The following L1CAM variants were observed in gnomAD, a reference collection of about 807,000 sequenced individuals.
L1CAM encodes L1 cell adhesion molecule.
In L1CAM, 8 loss-of-function variants were observed where a neutral mutation model predicts 93.0. The ratio of observed to expected loss-of-function variants is 0.09; its 90% CI spans 0.05 to 0.16. The LOEUF is 0.16. Ranked by LOEUF, L1CAM falls within the 10% of genes least tolerant of loss-of-function variation. The pLI is 1.00. For synonymous variants in L1CAM, 453 were observed against 453.0 expected, an observed-to-expected ratio of 1.00 and a Z score of 0.00; for missense variants, 777 against 1,073.4, an observed-to-expected ratio of 0.72 and a Z score of 3.86.
intron 11 of L1CAM, 24 bp from the exon 12 acceptor site, chrX:153,868,976 G>T (rs781868997): frequency 8.8e-7 from 1 of 1,132,902 alleles, no homozygotes; most frequent in Non-Finnish European, 1.2e-6. Flanking sequence ...AGCCTCAGGA[G>T]ACAGGGCAGG....
intron 1 of L1CAM, among the ~76,000 whole-genome samples, chrX:153,879,404 C>T (rs979311612): frequency 8.4e-5 from 7 of 82,983 alleles, no homozygotes; most frequent in African/African-American, 3.0e-4. Context: ...GCAGAAAGAG[C>T]GAGAAGAGTG....
rs782367807 is a variant in L1CAM at position 153,867,982 on chromosome X, C to G, written c.1828+16G>C. On this transcript the variant is annotated intron_variant, in intron 15 of 28. Transcript: ENST00000370060. ...CCCCGGCCTTCTGGAGTGGAGGCTT[C>G]CACCCTAGGACTTACCCACCACCAA... is the stretch of plus-strand genomic sequence containing the variant. The G allele has an allele frequency of 1.7e-5, 20 of 1,210,793 alleles. No homozygotes were observed. The highest frequency in any genetic ancestry group is 2.2e-5 in the Non-Finnish European group (20 of 895,208).
chrX:153,877,329 G>A (rs1311235500), intron 1 of L1CAM, among the ~76,000 whole-genome samples: 1 of 105,848 alleles, frequency 9.4e-6, no homozygotes, highest in Non-Finnish European at 1.9e-5. Context: ...AGGCGTGGTG[G>A]CTCATGCCTG....
intron 1 of L1CAM, among the ~76,000 whole-genome samples, chrX:153,882,576 T>C (rs1016633003): frequency 3.2e-4 from 34 of 107,738 alleles, no homozygotes; most frequent in African/African-American, 1.2e-3. Flanking sequence ...TACATGCAGA[T>C]AGGAAGTCTG....
chrX:153,862,464 C>T lies in L1CAM; in HGVS notation c.*199G>A. ...GGCCCCTGGCATGTGGGAGATCTGC[C>T]CAAGCTGGGGCAGAGCAGCGTGTGC... On this transcript the variant is annotated 3_prime_UTR_variant, in exon 29 of 29. Transcript: ENST00000370060. The T allele has an allele frequency of 2.5e-6, 1 of 401,343 alleles. No individual in the cohort carries two copies. Among genetic ancestry groups the T allele is most frequent in the Non-Finnish European group, 4.3e-6 (1 of 231,450 alleles). 33.1% of individuals were successfully genotyped at this position (401,343 alleles called of 1,213,427 possible). A position where few individuals can be genotyped will look rare whatever the true frequency, so the allele number is the denominator to read the frequency against.
At chrX:153,884,404 C>A in intron 1 of L1CAM, 1 of 324,280 alleles carries the variant, frequency 3.1e-6, no homozygotes, top group Non-Finnish European at 5.1e-6. Context: ...CGCGGTGTAG[C>A]AAACCAGGGA....
At position 153,867,453 on chromosome X, in the gene L1CAM, C is replaced by T. The variant is rs782486088; in HGVS notation, c.2040G>A (p.Ser680=). 7.4e-6 allele frequency: 9 copies of T among 1,208,903 alleles called. No individual in the cohort carries two copies. Among genetic ancestry groups the T allele is most frequent in the African/African-American group, 1.7e-5 (1 of 57,792 alleles). Residue 680 remains serine, a synonymous_variant, in exon 17 of 29, where the codon TCG becomes TCA. Coordinates refer to ENST00000370060, the MANE Select transcript of L1CAM (RefSeq NM_001278116.2). ...GNQTSTTLKL[S]PYVHYTFRVT... ...CCCTAAAGGTGTAGTGGACATAGGG[C>T]GACAGCTTGAGGGTGGTAGAGGTCT... is the stretch of plus-strand genomic sequence containing the variant.
intron 1 of L1CAM, among the ~76,000 whole-genome samples, chrX:153,881,130 G>A (rs2064842841): frequency 1.8e-5 from 2 of 112,273 alleles, no homozygotes; most frequent in South Asian, 7.4e-4. Context: ...GACTTACCAC[G>A]TACCAGAAAG....
chrX:153,884,197 G>T, intron 1 of L1CAM: 1 of 993,623 alleles, frequency 1.0e-6, no homozygotes, highest in Non-Finnish European at 1.3e-6. Flanking sequence ...GCAGCCCAGA[G>T]CCCGGCCCAA....
rs782476478 is a variant in L1CAM, at chrX:153,872,697, A to G, written c.92T>C (p.Val31Ala). 42 of 1,194,370 alleles carry G rather than the reference A, an allele frequency of 3.5e-5. No individual in the cohort carries two copies. The East Asian group carries it at 1.2e-3, about 34-fold the overall frequency. ...TTCCGTGATGACAGGTGGCTCCATC[A>G]CTGAAGACAGGGTGGAGAGAGCGGT... ...QIPEEYEGHHVMEPPVITEQS... is the reference protein window; with the variant it reads ...QIPEEYEGHHAMEPPVITEQS... The change falls in exon 4 of 29, where the codon GTG (valine) becomes GCG (alanine). Residue 31 changes from valine to alanine, a missense_variant and splice_region_variant. Around this residue, in one of 5 missense-constraint regions of L1CAM, gnomAD observed 574 missense variants for 781.0 expected, o/e 0.73. Transcript: ENST00000370060.
chrX:153,876,045 C>T, intron 1 of L1CAM, 101 bp from the exon 2 acceptor site: 1 of 462,991 alleles, frequency 2.2e-6, no homozygotes, highest in South Asian at 3.0e-5. Flanking sequence ...CTCTTGGCCC[C>T]GCCCTCAGCC....
rs372358468 is a variant in L1CAM at position 153,868,744 on chromosome X, G to A, written c.1380-17C>T. On this transcript the variant is annotated splice_polypyrimidine_tract_variant and intron_variant, in intron 12 of 28. Transcript: ENST00000370060. ...TCGTCCAGCCTGGAGGGAGCAGGGCGGGCCTGGCTCTGACTGGCTGGCCTG... is the reference window on the plus strand; with the variant it reads ...TCGTCCAGCCTGGAGGGAGCAGGGCAGGCCTGGCTCTGACTGGCTGGCCTG... The A allele has an allele frequency of 2.6e-5, 32 of 1,209,691 alleles. No homozygotes were observed. The highest frequency in any genetic ancestry group is 1.5e-4 in the Admixed American group (7 of 45,893).
At chrX:153,863,725 C>T in intron 26 of L1CAM, 158 bp downstream of exon 26, 3 of 908,673 alleles carry the variant, frequency 3.3e-6, no homozygotes, top group Non-Finnish European at 4.7e-6. Context: ...TGCCCCAACC[C>T]CGGCCTGGGA....
At chrX:153,863,235 A>C (rs1180602268) in intron 28 of L1CAM, 133 bp downstream of exon 28, 1 of 678,709 alleles carries the variant, frequency 1.5e-6, no homozygotes, top group Non-Finnish European at 2.3e-6. Context: ...TGAAATGAGG[A>C]GCTGCCGGGC....
chrX:153,872,019 C>G, intron 5 of L1CAM, 133 bp downstream of exon 5: 1 of 522,763 alleles, frequency 1.9e-6, no homozygotes, highest in Non-Finnish European at 3.3e-6. Context: ...AGGGGAGAAG[C>G]TGGGGTGGGG....
chrX:153,885,472 G>T, intron 1 of L1CAM: 1 of 905,678 alleles, frequency 1.1e-6, no homozygotes, highest in Non-Finnish European at 1.4e-6. Context: ...GATTTGGAAA[G>T]AAGAAGGAGG....
In L1CAM at chrX:153,867,914, A is replaced by C. The variant is rs1453856608; in HGVS notation, c.1829-4T>G. ...CGTGGCACCGGCCCAGGGCTCCCTG[A>C]GGGTGGGGAGGGTCGGTGCTTGAAA... On this transcript the variant is annotated splice_polypyrimidine_tract_variant and splice_region_variant and intron_variant, in intron 15 of 28. Coordinates refer to ENST00000370060, the MANE Select transcript of L1CAM (RefSeq NM_001278116.2). The C allele has an allele frequency of 1.7e-6, 2 of 1,207,331 alleles. No homozygotes were observed. Among genetic ancestry groups the C allele is most frequent in the Non-Finnish European group, 2.2e-6 (2 of 893,686 alleles).
At chrX:153,875,711 G>T (rs199828520) in intron 2 of L1CAM, 50 bp downstream of exon 2, 45 of 1,060,226 alleles carry the variant, frequency 4.2e-5, no homozygotes, top group Non-Finnish European at 5.8e-5. Context: ...ATAAAGAGGG[G>T]CCCAACATAG....
chrX:153,874,446 C>T (rs2064798099), intron 2 of L1CAM, among the ~76,000 whole-genome samples: 1 of 113,200 alleles, frequency 8.8e-6, no homozygotes, highest in Non-Finnish European at 1.9e-5. Context: ...CTCCTTCATC[C>T]CTGCACCTGC....
Sources: allele counts gnomAD v4.1 joint callset (sites outside exome capture counted in the v4.1 genomes callset), GRCh38; gene constraint gnomAD v4.1.1; regional missense constraint gnomAD v4.1.1; transcripts MANE v1.5; gene names NCBI Gene and HGNC (gene_info 2026-07-23, HGNC 2026-07-21).